TBXAS1: variants seen among roughly 807,000 people sequenced by gnomAD.
TBXAS1 encodes thromboxane A synthase 1, also known as thromboxane-A synthase.
In TBXAS1, 48 loss-of-function variants were observed where a neutral mutation model predicts 60.7. That is an observed-to-expected ratio of 0.79 (90% CI 0.63 to 1.01). The LOEUF (loss-of-function observed/expected upper bound fraction) is 1.01. Among genes scored for constraint, TBXAS1 ranks in the 50% least tolerant of loss-of-function variants. The pLI, the probability that TBXAS1 is intolerant of heterozygous loss-of-function variation, is 0.00. For missense variants in TBXAS1, 685 were observed against 686.3 expected (o/e 1.00, Z 0.02); for synonymous variants, 287 against 269.7 (o/e 1.06, Z -0.63).
intron 10 of TBXAS1, among the ~76,000 whole-genome samples, chr7:140,008,979 G>A (rs1175802715): frequency 6.6e-6 from 1 of 152,214 alleles, no homozygotes; most frequent in Admixed American, 6.5e-5. Context: ...CCAAACAGGT[G>A]TGTTCTCCAG....
intron 9 of TBXAS1, among the ~76,000 whole-genome samples, chr7:139,981,818 G>C (rs1287348636): frequency 1.3e-5 from 2 of 152,184 alleles, no homozygotes; most frequent in East Asian, 3.8e-4. Flanking sequence ...ATCCAGGCGA[G>C]CCAAAGGTGT....
At chr7:139,867,296 G>A (rs901525791) in intron 1 of TBXAS1, among the ~76,000 whole-genome samples, 1 of 152,292 alleles carries the variant, frequency 6.6e-6, no homozygotes, top group South Asian at 2.1e-4. Context: ...GAATTCTTTG[G>A]TAGTGACAGT....
At chr7:139,855,483 A>C (rs553173248) in intron 1 of TBXAS1, among the ~76,000 whole-genome samples, 2 of 151,958 alleles carry the variant, frequency 1.3e-5, no homozygotes, top group African/African-American at 4.8e-5. Context: ...GGTCAAGCAG[A>C]GTGGGGGATG....
At chr7:139,912,364 G>A (rs1241714116) in intron 4 of TBXAS1, among the ~76,000 whole-genome samples, 1 of 152,144 alleles carries the variant, frequency 6.6e-6, no homozygotes, top group Admixed American at 6.5e-5. Context: ...TAACCTTTAC[G>A]TTGATTCTTG....
At chr7:139,868,821 ATT>A (rs920737677) in intron 1 of TBXAS1, among the ~76,000 whole-genome samples, 1 of 142,982 alleles carries the variant, frequency 7.0e-6, no homozygotes, top group Non-Finnish European at 1.5e-5. Context: ...TACCTTTTGT[ATT>A]TTTTTTTTTA....
chr7:139,940,178 T>C (rs546051012), intron 5 of TBXAS1, among the ~76,000 whole-genome samples: 1 of 152,162 alleles, frequency 6.6e-6, no homozygotes, highest in Non-Finnish European at 1.5e-5. Flanking sequence ...GCAGAGGGTT[T>C]GAGGCTCTAA....
intron 4 of TBXAS1, among the ~76,000 whole-genome samples, chr7:139,814,553 A>G (rs6960593): frequency 0.39 from 59,083 of 151,958 alleles, 12,529 homozygotes; most frequent in South Asian, 0.69. Flanking sequence ...GGCCTCATAC[A>G]AGGTGGGAAA....
intron 4 of TBXAS1, among the ~76,000 whole-genome samples, chr7:139,915,328 C>T (rs574544390): frequency 2.4e-4 from 37 of 152,320 alleles, no homozygotes; most frequent in African/African-American, 8.4e-4. Context: ...ACTGACACCA[C>T]GTTGCCTTCC....
chr7:139,793,875 C>T (rs1797468174), intron 4 of TBXAS1, among the ~76,000 whole-genome samples: 1 of 152,154 alleles, frequency 6.6e-6, no homozygotes, highest in Non-Finnish European at 1.5e-5. Flanking sequence ...TTCCTTCTTA[C>T]CTCTCTCTCC....
intron 4 of TBXAS1, among the ~76,000 whole-genome samples, chr7:139,807,612 T>C (rs1255735351): frequency 6.6e-6 from 1 of 152,108 alleles, no homozygotes; most frequent in Non-Finnish European, 1.5e-5. Flanking sequence ...CTCGATCTCT[T>C]GACTTCGTGA....
At chr7:139,849,716 A>G (rs1800080557) in intron 1 of TBXAS1, among the ~76,000 whole-genome samples, 1 of 152,106 alleles carries the variant, frequency 6.6e-6, no homozygotes, top group Non-Finnish European at 1.5e-5. Flanking sequence ...TAAGATTTCA[A>G]CTCCACCCTG....
intron 1 of TBXAS1, among the ~76,000 whole-genome samples, chr7:139,842,681 G>A (rs1378878246): frequency 6.6e-6 from 1 of 152,230 alleles, no homozygotes. Flanking sequence ...GGGTAGGGGG[G>A]TGTTAGCTGA....
intron 3 of TBXAS1, among the ~76,000 whole-genome samples, chr7:139,904,990 TCTTTCTC>T: frequency 1.6e-5 from 2 of 128,372 alleles, no homozygotes; most frequent in Non-Finnish European, 1.6e-5. Flanking sequence ...TCTCTTTCTC[TCTTTCTC>T]TCTTTCTCTC....
intron 5 of TBXAS1, among the ~76,000 whole-genome samples, chr7:139,945,328 G>A (rs760979543): frequency 6.6e-6 from 1 of 152,210 alleles, no homozygotes; most frequent in Admixed American, 6.5e-5. Flanking sequence ...CCTTCATTTA[G>A]GGATGAGGAC....
At chr7:139,942,841 G>T (rs549427771) in intron 5 of TBXAS1, among the ~76,000 whole-genome samples, 69 of 152,278 alleles carry the variant, frequency 4.5e-4, no homozygotes, top group African/African-American at 1.6e-3. Flanking sequence ...AGTCAATAAT[G>T]TATGAATCTT....
At chr7:139,829,848 G>A (rs965185269) in intron 1 of TBXAS1, among the ~76,000 whole-genome samples, 6 of 152,204 alleles carry the variant, frequency 3.9e-5, no homozygotes, top group Non-Finnish European at 8.8e-5. Flanking sequence ...TGGATTTACA[G>A]TGAATTCAGC....
intron 3 of TBXAS1, among the ~76,000 whole-genome samples, chr7:139,784,219 ATTCT>A (rs1358416216): frequency 5.8e-5 from 6 of 102,682 alleles, no homozygotes; most frequent in African/African-American, 2.0e-4. Context: ...TCTTTCTTTC[ATTCT>A]TTCTCTCTCT....
intron 1 of TBXAS1, among the ~76,000 whole-genome samples, chr7:139,870,472 CT>C (rs1162501931): frequency 6.6e-6 from 1 of 152,156 alleles, no homozygotes; most frequent in African/African-American, 2.4e-5. Context: ...GGTAAGTTTC[CT>C]TTGGTCTTTC....
chr7:139,909,021 T>TA lies in TBXAS1; in HGVS notation c.237-2196dup, dbSNP rs200344105. Among the ~76,000 whole-genome samples the TA allele has an allele frequency of 7.2e-3, 1,089 of 152,190 alleles. 13 individuals are homozygous for TA. The highest frequency in any genetic ancestry group is 0.024 in the African/African-American group (1,004 of 41,528). ...TCCTTCTGGCTTCCATGGTTCCTGA[T>TA]AAAAAAAACCTGCTGTCCTTTGAAC... On this transcript the variant is annotated intron_variant, in intron 3 of 12. Transcript: ENST00000448866.
Sources: gnomAD v4.1 joint callset for allele counts (sites outside exome capture counted in the v4.1 genomes callset) on GRCh38, gnomAD v4.1.1 for gene constraint, MANE v1.5 for transcripts, NCBI Gene and HGNC (gene_info 2026-07-23, HGNC 2026-07-21) for gene names.